HSD17B12: variants seen among roughly 807,000 people sequenced by gnomAD.
HSD17B12 encodes the protein hydroxysteroid 17-beta dehydrogenase 12.
In HSD17B12, 32 loss-of-function variants were observed where a neutral mutation model predicts 39.3. The ratio of observed to expected loss-of-function variants is 0.81; its 90% CI spans 0.61 to 1.09. The LOEUF is 1.09. Ranked by LOEUF, HSD17B12 falls within the 50% of genes least tolerant of loss-of-function variation. The pLI, the probability that HSD17B12 is intolerant of heterozygous loss-of-function variation, is 0.00. For synonymous variants in HSD17B12, 150 were observed against 146.7 expected, an observed-to-expected ratio of 1.02 and a Z score of -0.16; for missense variants, 342 against 382.9, an observed-to-expected ratio of 0.89 and a Z score of 0.89.
the HSD17B12 span, among the ~76,000 whole-genome samples, chr11:43,638,307 G>A: frequency 1.3e-5 from 2 of 152,156 alleles, no homozygotes; most frequent in Non-Finnish European, 2.9e-5. Context: ...GAAGTTTGTG[G>A]TGTGTTTAAA....
the HSD17B12 span, among the ~76,000 whole-genome samples, chr11:43,659,292 A>T: frequency 6.6e-6 from 1 of 151,556 alleles, no homozygotes; most frequent in African/African-American, 2.4e-5. Flanking sequence ...GCCATCTGTC[A>T]CCCCTTTCTT....
chr11:43,648,837 T>A, the HSD17B12 span, among the ~76,000 whole-genome samples: 1 of 152,196 alleles, frequency 6.6e-6, no homozygotes, highest in Non-Finnish European at 1.5e-5. Flanking sequence ...GTTCAAGTGA[T>A]TCTCCTGCCT....
rs190508602 is a variant in HSD17B12, at chr11:43,759,613, A to G, written c.283+5492A>G. On this transcript the variant is annotated intron_variant, in intron 3 of 10. Transcript: ENST00000278353. ...GTTTTTATTTGCAATAAAGCATAAT[A>G]AAAAGGAGACTAGCTTTCAGAACAA... Among the ~76,000 whole-genome samples the G allele has an allele frequency of 5.6e-3, 856 of 152,330 alleles. 8 individuals carry two copies. Among genetic ancestry groups the G allele is most frequent in the Non-Finnish European group, 8.7e-3 (589 of 68,022 alleles).
chr11:43,826,015 T>A (rs1951232438), intron 6 of HSD17B12, among the ~76,000 whole-genome samples: 1 of 152,208 alleles, frequency 6.6e-6, no homozygotes, highest in Non-Finnish European at 1.5e-5. Context: ...TTGGAAACTC[T>A]TAGCATACTA....
the HSD17B12 span, among the ~76,000 whole-genome samples, chr11:43,573,290 G>C: frequency 6.6e-6 from 1 of 152,302 alleles, no homozygotes; most frequent in Middle Eastern, 3.4e-3. Flanking sequence ...AATTTCACCA[G>C]CTCCAGCCCA....
intron 1 of HSD17B12, among the ~76,000 whole-genome samples, chr11:43,749,099 CA>C (rs1590716794): frequency 6.6e-6 from 1 of 151,982 alleles, no homozygotes. Context: ...GTACTCCTAC[CA>C]AAAAAATCAA....
intron 1 of HSD17B12, among the ~76,000 whole-genome samples, chr11:43,728,030 T>C (rs1045163522): frequency 5.9e-5 from 9 of 152,104 alleles, no homozygotes; most frequent in Admixed American, 3.9e-4. Flanking sequence ...ACATGGGGGC[T>C]TGCATAGTGT....
Position 43,822,279 on chromosome 11 carries a change from C to G in HSD17B12, c.501+5888C>G, listed in dbSNP as rs541594957. On this transcript the variant is annotated intron_variant, in intron 6 of 10. Coordinates refer to ENST00000278353, the MANE Select transcript of HSD17B12 (RefSeq NM_016142.3). ...TATTTGGGAATGGGGAAGAGCATCT[C>G]AAGCAGGGGGTTATATAGTAATTTC... 2.8e-4 allele frequency among the ~76,000 whole-genome samples: 43 copies of G among 152,264 alleles called. No homozygotes were observed. The South Asian group carries it at 6.2e-3, about 22-fold the overall frequency.
chr11:43,709,468 T>A (rs1200823060), intron 1 of HSD17B12, among the ~76,000 whole-genome samples: 1 of 152,234 alleles, frequency 6.6e-6, no homozygotes, highest in African/African-American at 2.4e-5. Context: ...CTTGATGAAT[T>A]TGTTGATGAA....
At chr11:43,672,299 TC>T in the HSD17B12 span, among the ~76,000 whole-genome samples, 5 of 152,268 alleles carry the variant, frequency 3.3e-5, no homozygotes, top group East Asian at 7.7e-4. Flanking sequence ...TCCGCCTGCC[TC>T]GGCCTCCCAA....
At chr11:43,783,906 ATAAC>A (rs1352682211) in intron 3 of HSD17B12, among the ~76,000 whole-genome samples, 3 of 152,228 alleles carry the variant, frequency 2.0e-5, no homozygotes, top group Non-Finnish European at 2.9e-5. Context: ...TTGAGGGAAA[ATAAC>A]TATATATTCT....
intron 3 of HSD17B12, among the ~76,000 whole-genome samples, chr11:43,779,989 A>G (rs577937384): frequency 6.6e-6 from 1 of 152,290 alleles, no homozygotes; most frequent in East Asian, 1.9e-4. Flanking sequence ...CATTTGCAAA[A>G]TAATTTTGCT....
the HSD17B12 span, among the ~76,000 whole-genome samples, chr11:43,572,341 G>A: frequency 4.6e-5 from 7 of 152,148 alleles, no homozygotes; most frequent in African/African-American, 1.7e-4. Context: ...TCGCTAACAG[G>A]CTTCTTAGGA....
chr11:43,781,005 T>C (rs1302905624), intron 3 of HSD17B12, among the ~76,000 whole-genome samples: 1 of 152,218 alleles, frequency 6.6e-6, no homozygotes, highest in Non-Finnish European at 1.5e-5. Flanking sequence ...TAGTCGCACC[T>C]ATAACTCCTT....
chr11:43,575,566 A>C, the HSD17B12 span, among the ~76,000 whole-genome samples: 74 of 152,330 alleles, frequency 4.9e-4, no homozygotes, highest in Non-Finnish European at 6.2e-4. The surrounding 1 kb of genome is among the most constrained non-coding windows in gnomAD (Gnocchi z 4.1). Flanking sequence ...GGTGCAGACT[A>C]GGCTGCAGCC....
At chr11:43,704,075 C>T (rs1314293194) in intron 1 of HSD17B12, among the ~76,000 whole-genome samples, 1 of 152,162 alleles carries the variant, frequency 6.6e-6, no homozygotes, top group Non-Finnish European at 1.5e-5. Flanking sequence ...GGAACGTGCT[C>T]CCCAGTGGTA....
chr11:43,755,667 T>G (rs1186962329), intron 3 of HSD17B12: 1 of 152,252 alleles, frequency 6.6e-6, no homozygotes, highest in Middle Eastern at 3.2e-3. Context: ...AACATTTATA[T>G]AGTGCCTTAT....
intron 3 of HSD17B12, chr11:43,755,119 G>A (rs932169780): frequency 3.7e-5 from 13 of 354,208 alleles, no homozygotes; most frequent in Non-Finnish European, 6.0e-5. Flanking sequence ...CTTATGTTGG[G>A]TATATTTTTT....
At chr11:43,684,994 A>G (rs1949785005) in intron 1 of HSD17B12, among the ~76,000 whole-genome samples, 1 of 152,164 alleles carries the variant, frequency 6.6e-6, no homozygotes, top group South Asian at 2.1e-4. Flanking sequence ...TGATTTTTGC[A>G]TAATGTTTTC....
Sources: gnomAD v4.1 joint callset for allele counts (sites outside exome capture counted in the v4.1 genomes callset) on GRCh38, gnomAD v4.1.1 for gene constraint, Gnocchi (gnomAD v3.1) non-coding constraint, MANE v1.5 for transcripts, NCBI Gene and HGNC (gene_info 2026-07-23, HGNC 2026-07-21) for gene names.